Variants in LGSN observed in about 807,000 individuals in gnomAD.
LGSN encodes lengsin.
In LGSN, 21 loss-of-function variants were observed where a neutral mutation model predicts 19.5. That is an observed-to-expected ratio of 1.07 (90% CI 0.76 to 1.55). The LOEUF is 1.55. Among genes scored for constraint, LGSN ranks in the 40% most tolerant of loss-of-function variants. LGSN has a pLI of 0.00. For missense variants in LGSN, 673 were observed against 608.5 expected (o/e 1.11, Z -1.12); for synonymous variants, 257 against 215.6 (o/e 1.19, Z -1.68).
chr6:63,480,994 C>CACATACAT, the LGSN span, among the ~76,000 whole-genome samples: 3 of 119,156 alleles, frequency 2.5e-5, no homozygotes, highest in African/African-American at 9.1e-5. Context: ...TATACACACA[C>CACATACAT]ACATACATAC....
rs1767118653 is a variant in LGSN at position 63,276,858 on chromosome 6, T to A, written c.*3163A>T. ...CAACAATAGAAAGCCTATGAACAGA[T>A]GAAAGAAATAGAAAAATAGATAACT... On this transcript the variant is annotated 3_prime_UTR_variant, in exon 4 of 4. Coordinates refer to ENST00000370657, the MANE Select transcript of LGSN (RefSeq NM_016571.3). 1 of 152,158 alleles carries A rather than the reference T, an allele frequency of 6.6e-6. No individual in the cohort carries two copies. The highest frequency in any genetic ancestry group is 1.5e-5 in the Non-Finnish European group (1 of 68,018). The allele number at this position is 152,158 out of a possible 1,614,324, so 9.4% of individuals were successfully genotyped here. A position where few individuals can be genotyped will look rare whatever the true frequency, so the allele number is the denominator to read the frequency against.
the LGSN span, among the ~76,000 whole-genome samples, chr6:63,438,809 A>T: frequency 1.3e-5 from 2 of 152,218 alleles, no homozygotes; most frequent in African/African-American, 4.8e-5. Flanking sequence ...TTCCTCAGGG[A>T]TCTAGAACTA....
the LGSN span, among the ~76,000 whole-genome samples, chr6:63,377,913 C>CAAAAAAAAAAAAAA: frequency 9.2e-5 from 5 of 54,342 alleles, no homozygotes; most frequent in African/African-American, 1.3e-4. Context: ...GACTCCATCT[C>CAAAAAAAAAAAAAA]AAAAAAAAAA....
At chr6:63,520,874 T>G in the LGSN span, among the ~76,000 whole-genome samples, 1 of 152,032 alleles carries the variant, frequency 6.6e-6, no homozygotes, top group Non-Finnish European at 1.5e-5. Context: ...AACAATCAGT[T>G]TATATACACC....
the LGSN span, among the ~76,000 whole-genome samples, chr6:63,559,630 A>G: frequency 3.9e-5 from 6 of 152,076 alleles, no homozygotes; most frequent in East Asian, 1.2e-3. Flanking sequence ...CTGTAATCCC[A>G]GCTACTCAGG....
the LGSN span, among the ~76,000 whole-genome samples, chr6:63,519,732 T>C: frequency 2.6e-5 from 4 of 152,260 alleles, no homozygotes; most frequent in South Asian, 6.2e-4. Flanking sequence ...GTGACAGTTC[T>C]AATTCAATGT....
the LGSN span, among the ~76,000 whole-genome samples, chr6:63,444,831 A>T: frequency 6.6e-6 from 1 of 151,962 alleles, no homozygotes; most frequent in East Asian, 1.9e-4. Context: ...TCCCAGGCCC[A>T]CTCCTGAAGA....
chr6:63,415,746 G>C, the LGSN span, among the ~76,000 whole-genome samples: 5 of 152,174 alleles, frequency 3.3e-5, no homozygotes, highest in Non-Finnish European at 7.3e-5. Context: ...AAAGTCAAAA[G>C]AGCTTCTCCA....
At chr6:63,477,335 A>ATCAC in the LGSN span, among the ~76,000 whole-genome samples, 1 of 152,226 alleles carries the variant, frequency 6.6e-6, no homozygotes, top group Non-Finnish European at 1.5e-5. Context: ...AACTCATAAT[A>ATCAC]TCACATTTAA....
chr6:63,463,266 G>A, the LGSN span, among the ~76,000 whole-genome samples: 1 of 152,124 alleles, frequency 6.6e-6, no homozygotes, highest in East Asian at 1.9e-4. Context: ...TACCTGACAT[G>A]TATAAAGAAC....
At chr6:63,495,375 G>A in the LGSN span, among the ~76,000 whole-genome samples, 6 of 151,726 alleles carry the variant, frequency 4.0e-5, no homozygotes, top group Admixed American at 1.3e-4. Context: ...TTCTGCCCCC[G>A]GAGCCTATGC....
At chr6:63,508,982 G>A in the LGSN span, among the ~76,000 whole-genome samples, 1 of 151,136 alleles carries the variant, frequency 6.6e-6, no homozygotes, top group Non-Finnish European at 1.5e-5. Context: ...ATAGTTACAG[G>A]TGTTCACCTT....
At chr6:63,443,568 G>A in the LGSN span, 177 of 1,045,998 alleles carry the variant, frequency 1.7e-4, no homozygotes, top group African/African-American at 1.7e-3. Flanking sequence ...CCTCCAGACC[G>A]ACTCTCAGCA....
upstream of LGSN, chr6:63,319,994 G>C: frequency 2.2e-6 from 3 of 1,339,210 alleles, no homozygotes; most frequent in Non-Finnish European, 3.2e-6. Flanking sequence ...CTCAACAAAT[G>C]CATTCAACAT....
At chr6:63,542,022 G>GGGGTGT in the LGSN span, among the ~76,000 whole-genome samples, 4 of 146,730 alleles carry the variant, frequency 2.7e-5, no homozygotes, top group South Asian at 2.2e-4. Flanking sequence ...AAGAAACTGT[G>GGGGTGT]GTGTGTGTGT....
the LGSN span, among the ~76,000 whole-genome samples, chr6:63,351,912 A>C: frequency 1.3e-5 from 2 of 152,228 alleles, no homozygotes; most frequent in East Asian, 3.8e-4. Context: ...TACTGTTTCA[A>C]TATATCAGAG....
chr6:63,466,967 A>G, the LGSN span, among the ~76,000 whole-genome samples: 1 of 152,184 alleles, frequency 6.6e-6, no homozygotes, highest in Admixed American at 6.5e-5. Context: ...AAAATAATAT[A>G]TAAATCAGCA....
chr6:63,312,815 T>G (rs1768684170), intron 1 of LGSN, among the ~76,000 whole-genome samples: 1 of 152,192 alleles, frequency 6.6e-6, no homozygotes, highest in Admixed American at 6.5e-5. Flanking sequence ...GAAGTGGATT[T>G]CGCAGCTTGG....
intron 1 of LGSN, 144 bp from the exon 2 acceptor site, chr6:63,295,189 A>G: frequency 2.9e-6 from 2 of 683,174 alleles, no homozygotes; most frequent in Non-Finnish European, 4.9e-6. Context: ...TCACTTCCAC[A>G]CTCACCTGAA....
Sources: gnomAD v4.1 joint callset for allele counts (sites outside exome capture counted in the v4.1 genomes callset) on GRCh38, gnomAD v4.1.1 for gene constraint, MANE v1.5 for transcripts, NCBI Gene and HGNC (gene_info 2026-07-23, HGNC 2026-07-21) for gene names.